VAV2: variants seen among roughly 807,000 people sequenced by gnomAD.
VAV2 encodes the protein guanine nucleotide exchange factor VAV2.
VAV2 carries 67 observed loss-of-function variants against 132.5 expected under a neutral mutation model. The observed-to-expected ratio is 0.51, with a 90% CI of 0.42 to 0.62. The LOEUF is 0.62. Among genes scored for constraint, VAV2 ranks in the 20% least tolerant of loss-of-function variants. The pLI is 0.00. For missense variants in VAV2, 938 were observed against 1,153.6 expected (o/e 0.81, Z 2.71); for synonymous variants, 492 against 443.5 (o/e 1.11, Z -1.37).
intron 22 of VAV2, 106 bp from the exon 23 acceptor site, chr9:133,777,569 T>C (rs1833860926): frequency 1.8e-6 from 2 of 1,142,292 alleles, no homozygotes; most frequent in East Asian, 2.4e-5. Flanking sequence ...TCCTGGAGGG[T>C]GGGAGAGCCA....
At chr9:133,891,685 A>G (rs183874170) in intron 2 of VAV2, among the ~76,000 whole-genome samples, 1 of 11,048 alleles carries the variant, frequency 9.1e-5, no homozygotes, top group Non-Finnish European at 1.7e-4. Flanking sequence ...GAAGAGGAGG[A>G]ATGGAAGGGG....
At chr9:133,851,909 G>GTGGATGGATGGA (rs58259577) in intron 3 of VAV2, among the ~76,000 whole-genome samples, 2,311 of 140,794 alleles carry the variant, frequency 0.016, 28 homozygotes, top group African/African-American at 0.02. Context: ...GGATGGATGG[G>GTGGATGGATGGA]TGGATGGATG....
intron 1 of VAV2, among the ~76,000 whole-genome samples, chr9:133,974,952 C>T (rs1280593177): frequency 6.6e-6 from 1 of 152,220 alleles, no homozygotes; most frequent in East Asian, 1.9e-4. Context: ...GCGGGCCTCA[C>T]CCACCCTCCT....
At chr9:133,866,824 A>C (rs1285460601) in intron 2 of VAV2, among the ~76,000 whole-genome samples, 2 of 147,720 alleles carry the variant, frequency 1.4e-5, no homozygotes, top group East Asian at 3.9e-4. Flanking sequence ...AAAAAAAAAG[A>C]GGAGCCTGCC....
At chr9:133,945,571 G>T (rs1349075471) in intron 1 of VAV2, among the ~76,000 whole-genome samples, 1 of 152,208 alleles carries the variant, frequency 6.6e-6, no homozygotes, top group South Asian at 2.1e-4. Context: ...CCTCTGGCAG[G>T]CCCATGCCCG....
intron 22 of VAV2, 115 bp from the exon 23 acceptor site, chr9:133,777,578 C>T: frequency 9.5e-7 from 1 of 1,051,190 alleles, no homozygotes; most frequent in Non-Finnish European, 1.4e-6. Flanking sequence ...GTGGGAGAGC[C>T]AATGTCTTCT....
At position 133,833,490 on chromosome 9, in the gene VAV2, T is replaced by C. The variant is rs2510237; in HGVS notation, c.449+782A>G. Among the ~76,000 whole-genome samples, 11,445 of 152,172 alleles carry C rather than the reference T, an allele frequency of 0.075. 981 individuals carry two copies. The highest frequency in any genetic ancestry group is 0.22 in the African/African-American group (8,982 of 41,492). On this transcript the variant is annotated intron_variant, in intron 4 of 29. Coordinates refer to ENST00000371850, the MANE Select transcript of VAV2 (RefSeq NM_001134398.2). This position sits in a 1 kb window ranked among gnomAD's most constrained non-coding sequence, Gnocchi z 5.6. Reference sequence around the variant, plus strand: ...TCCAGAGGCCCCCAGGCAGCAAGGATGCCCGAAGGCACCATCTCCCGGTGG... The same window carrying C: ...TCCAGAGGCCCCCAGGCAGCAAGGACGCCCGAAGGCACCATCTCCCGGTGG...
At chr9:133,906,934 C>A (rs985798012) in intron 2 of VAV2, among the ~76,000 whole-genome samples, 10 of 152,154 alleles carry the variant, frequency 6.6e-5, no homozygotes, top group African/African-American at 2.2e-4. Flanking sequence ...GACATAGAGA[C>A]CTGCAGGAGC....
In VAV2 at chr9:133,802,323, T is replaced by TGTAC. The variant is rs145800275; in HGVS notation, c.836+3757_836+3758insGTAC. Among the ~76,000 whole-genome samples, 3 of 142,096 alleles carry TGTAC rather than the reference T, an allele frequency of 2.1e-5. No individual in the cohort carries two copies. The highest frequency in any genetic ancestry group is 4.6e-5 in the Non-Finnish European group (3 of 65,566). 93.2% of individuals were successfully genotyped at this position (142,096 alleles called of 152,430 possible). ...GCACACAAACACACAAGCACGCGTGTACACACACACACACACACACACACA... is the reference window on the plus strand; with the variant it reads ...GCACACAAACACACAAGCACGCGTGTGTACACACACACACACACACACACACACA... On this transcript the variant is annotated intron_variant, in intron 9 of 29. Coordinates refer to ENST00000371850, the MANE Select transcript of VAV2 (RefSeq NM_001134398.2). The surrounding 1 kb of genome is among the most constrained non-coding windows in gnomAD (Gnocchi z 5.8).
intron 3 of VAV2, among the ~76,000 whole-genome samples, chr9:133,835,072 A>ATG (rs555350896): frequency 0.028 from 4,253 of 152,164 alleles, 81 homozygotes; most frequent in African/African-American, 0.053. Flanking sequence ...ATATATATAT[A>ATG]ACACATAAAC....
rs1833588407 is a variant in VAV2, at chr9:133,770,592, A to C, written c.2224-91T>G. 5 of 1,557,222 alleles carry C rather than the reference A, an allele frequency of 3.2e-6. No individual in the cohort carries two copies. In the African/African-American group the frequency reaches 6.8e-5, roughly 21 times the overall value. The stretch of plus-strand genomic sequence containing the variant: ...GCCTCCCTCTCCCACCTCTTGGTTC[A>C]TGTGGGGGAGACTAGCTTCCTGGAC... On this transcript the variant is annotated intron_variant, in intron 26 of 29. Coordinates refer to ENST00000371850, the MANE Select transcript of VAV2 (RefSeq NM_001134398.2).
In VAV2 at chr9:133,863,258, C is replaced by T. The variant is rs578057893; in HGVS notation, c.322-1826G>A. ...GGGCACCCAAGCCCCCTCTCACACA[C>T]CTCCTGCGGCAGACGTGGCTGATCA... On this transcript the variant is annotated intron_variant, in intron 2 of 29. Coordinates refer to ENST00000371850, the MANE Select transcript of VAV2 (RefSeq NM_001134398.2). The surrounding 1 kb of genome is among the most constrained non-coding windows in gnomAD (Gnocchi z 5.0). Among the ~76,000 whole-genome samples, 4 of 152,382 alleles carry T rather than the reference C, an allele frequency of 2.6e-5. No homozygotes were observed. Among genetic ancestry groups the T allele is most frequent in the African/African-American group, 4.8e-5 (2 of 41,604 alleles).
chr9:133,829,496 C>T (rs764112316), intron 4 of VAV2, among the ~76,000 whole-genome samples: 13 of 152,262 alleles, frequency 8.5e-5, no homozygotes, highest in Non-Finnish European at 1.3e-4. Flanking sequence ...CAGTGACCTG[C>T]GCCCAAGTGC....
rs1236935368 is a variant in VAV2, at chr9:133,991,853, C to T, written c.204+222G>A. ...CCAGAGCAGTGCCCGCGGGCGGCGG[C>T]GGCGCGACCCAGGCTGAGGGGACTT... On this transcript the variant is annotated intron_variant, in intron 1 of 29. Coordinates refer to ENST00000371850, the MANE Select transcript of VAV2 (RefSeq NM_001134398.2). This position sits in a 1 kb window ranked among gnomAD's most constrained non-coding sequence, Gnocchi z 4.8. Among the ~76,000 whole-genome samples, 1 of 150,808 alleles carries T rather than the reference C, an allele frequency of 6.6e-6. No individual in the cohort carries two copies. The highest frequency in any genetic ancestry group is 1.5e-5 in the Non-Finnish European group (1 of 67,490).
intron 1 of VAV2, among the ~76,000 whole-genome samples, chr9:133,954,263 C>CCCATCTGT (rs1255369909): frequency 6.6e-6 from 1 of 152,206 alleles, no homozygotes; most frequent in Non-Finnish European, 1.5e-5. Context: ...TGTCCATCTG[C>CCCATCTGT]CCATCTGTCC....
At chr9:133,775,119 C>A in intron 24 of VAV2, 68 bp from the exon 25 acceptor site, 1 of 1,345,398 alleles carries the variant, frequency 7.4e-7, no homozygotes, top group Non-Finnish European at 1.0e-6. Context: ...GCCCAGCCCT[C>A]CGTGCGTGGC....
At position 133,768,511 on chromosome 9, in the gene VAV2, AC is replaced by A; in HGVS notation, c.2519del (p.Gly840ValfsTer4). On this transcript the variant is annotated frameshift_variant, in exon 29 of 30. Transcript: ENST00000371850. LOFTEE classifies it high-confidence loss of function. The surrounding 1 kb of genome is among the most constrained non-coding windows in gnomAD (Gnocchi z 5.3). ...RDMRELSLREGDVVRIYSRIG... is the reference protein window; with the variant it reads ...RDMRELSLREXDVVRIYSRIG... The stretch of plus-strand genomic sequence containing the variant: ...TGCGGCTGTAGATCCTCACCACGTC[AC>A]CCTCCCGCAGCGAAAGCTCCCTCAT... 6.2e-7 allele frequency: 1 copy of A among 1,612,936 alleles called. No homozygotes were observed. The highest frequency in any genetic ancestry group is 8.5e-7 in the Non-Finnish European group (1 of 1,179,726).
intron 3 of VAV2, among the ~76,000 whole-genome samples, chr9:133,849,931 C>T (rs1024067483): frequency 2.5e-4 from 38 of 152,230 alleles, no homozygotes; most frequent in African/African-American, 9.2e-4. Flanking sequence ...TTATCCAATA[C>T]AGTCCCATTC....
intron 9 of VAV2, among the ~76,000 whole-genome samples, chr9:133,805,163 G>A (rs1195142194): frequency 6.6e-6 from 1 of 152,112 alleles, no homozygotes; most frequent in Non-Finnish European, 1.5e-5. Flanking sequence ...CTAGAGATGA[G>A]GGAGAGATGG....
Sources: gnomAD v4.1 joint callset for allele counts (sites outside exome capture counted in the v4.1 genomes callset) on GRCh38, gnomAD v4.1.1 for gene constraint, Gnocchi (gnomAD v3.1) non-coding constraint, MANE v1.5 for transcripts, NCBI Gene and HGNC (gene_info 2026-07-23, HGNC 2026-07-21) for gene names.